Variants in REXO1 observed in about 807,000 individuals in gnomAD.
The protein encoded by REXO1 is REX1, RNA exonuclease 1 homolog.
A neutral mutation model predicts 102.6 loss-of-function variants in REXO1; 42 were observed. The ratio of observed to expected loss-of-function variants is 0.41; its 90% CI spans 0.32 to 0.53. The LOEUF (loss-of-function observed/expected upper bound fraction) is 0.53. REXO1 is among the 20% of genes least tolerant of loss of function. REXO1 has a pLI of 0.27. For missense variants in REXO1, 1,819 were observed against 1,732.5 expected, an observed-to-expected ratio of 1.05 and a Z score of -0.89; for synonymous variants, 908 against 779.1, an observed-to-expected ratio of 1.17 and a Z score of -2.76.
Position 1,818,704 on chromosome 19 carries a change from A to C in REXO1, c.2902+2T>G. 6.2e-7 allele frequency: 1 copy of C among 1,610,898 alleles called. No homozygotes were observed. Among genetic ancestry groups the C allele is most frequent in the East Asian group, 2.2e-5 (1 of 44,862 alleles). ...CTAGGCCGTCGCAGGCCAGCGACTCACAGTCCTTGGGCCTCTTCTCCTCAG... is the reference window on the plus strand; with the variant it reads ...CTAGGCCGTCGCAGGCCAGCGACTCCCAGTCCTTGGGCCTCTTCTCCTCAG... On this transcript the variant is annotated splice_donor_variant, in intron 9 of 15. Transcript: ENST00000170168. LOFTEE classifies it high-confidence loss of function.
chr19:1,817,171 A>G, intron 12 of REXO1, 48 bp downstream of exon 12: 1 of 1,460,454 alleles, frequency 6.8e-7, no homozygotes. Flanking sequence ...GCACCAGGCC[A>G]GGTCCTCCCC....
rs774204750 is a variant in REXO1 at position 1,816,818 on chromosome 19, G to A, written c.3202-5C>T. The A allele has an allele frequency of 1.9e-5, 30 of 1,605,546 alleles. No homozygotes were observed. In the Middle Eastern group the frequency reaches 5.0e-4, roughly 27 times the overall value. On this transcript the variant is annotated splice_polypyrimidine_tract_variant and splice_region_variant and intron_variant, in intron 12 of 15. Coordinates refer to ENST00000170168, the MANE Select transcript of REXO1 (RefSeq NM_020695.4). ...CAGGCCATATGTGGTGTAGGACTGC[G>A]GGCAAGGGATGCACCTCAGATGTGT...
chr19:1,848,018 G>A (rs1045100432), intron 1 of REXO1, among the ~76,000 whole-genome samples, 184 bp downstream of exon 1: 5 of 152,250 alleles, frequency 3.3e-5, no homozygotes, highest in East Asian at 1.9e-4. Flanking sequence ...GAAGGCTTAG[G>A]GACATCTAGT....
chr19:1,823,666 G>C lies in REXO1; in HGVS notation c.2136C>G (p.Pro712=). 1 of 1,295,144 alleles carries C rather than the reference G, an allele frequency of 7.7e-7. No individual in the cohort carries two copies. Among genetic ancestry groups the C allele is most frequent in the Non-Finnish European group, 9.9e-7 (1 of 1,013,600 alleles). The allele number at this position is 1,295,144 out of a possible 1,614,324, so 80.2% of individuals were successfully genotyped here. Residue 712 remains proline (P), a synonymous_variant, in exon 4 of 16, where the codon CCC becomes CCG. Transcript: ENST00000170168. ...QRASASLLQA[P]ARLAEKSPSV... The stretch of plus-strand genomic sequence containing the variant: ...AGGGCGACTTCTCTGCCAGCCTGGC[G>C]GGGGCCTGCAGCAAGCTCGCCGATG...
At chr19:1,835,001 T>C (rs2070000975) in intron 1 of REXO1, 1 of 423,584 alleles carries the variant, frequency 2.4e-6, no homozygotes, top group South Asian at 1.6e-5. Flanking sequence ...CAGCCAGGTC[T>C]GGAAGTTTCA....
chr19:1,825,851 C>A lies in REXO1; in HGVS notation c.2004G>T (p.Lys668Asn), dbSNP rs1381687832. Residue 668 changes from lysine to asparagine, a missense_variant, in exon 3 of 16, where the codon AAG becomes AAT. Transcript: ENST00000170168. ...GQKRRISHLS[K>N]QGQEVEPPRR... ...CTGCGGACCTTACCTCCTGGCCTTG[C>A]TTGGAAAGGTGGGAGATCCTCCTCT... The A allele has an allele frequency of 4.4e-6, 7 of 1,608,716 alleles. No homozygotes were observed. The highest frequency in any genetic ancestry group is 6.0e-6 in the Non-Finnish European group (7 of 1,176,000).
At chr19:1,823,822 CGGG>C in intron 3 of REXO1, 37 bp from the exon 4 acceptor site, 1 of 1,055,314 alleles carries the variant, frequency 9.5e-7, no homozygotes, top group East Asian at 3.2e-5. Context: ...GGCAGCACAG[CGGG>C]GGCACCTGGA....
At chr19:1,817,125 G>C (rs1402251871) in intron 12 of REXO1, 94 bp downstream of exon 12, 4 of 926,050 alleles carry the variant, frequency 4.3e-6, no homozygotes, top group Non-Finnish European at 6.1e-6. Context: ...GCGCTGGCCG[G>C]TGAGCCAGGC....
At chr19:1,820,114 A>G in intron 6 of REXO1, 57 bp from the exon 7 acceptor site, 1 of 1,576,188 alleles carries the variant, frequency 6.3e-7, no homozygotes, top group Middle Eastern at 1.7e-4. Flanking sequence ...GGGGAGCCCC[A>G]GCGGTGGGGT....
intron 1 of REXO1, among the ~76,000 whole-genome samples, chr19:1,839,349 C>A (rs1040667071): frequency 6.6e-6 from 1 of 152,154 alleles, no homozygotes; most frequent in Non-Finnish European, 1.5e-5. Flanking sequence ...GTTTCTGGGA[C>A]TCCTGTGCTC....
rs1568675772 is a variant in REXO1, at chr19:1,815,882, T to A, written c.*184A>T. On this transcript the variant is annotated 3_prime_UTR_variant, in exon 16 of 16. Transcript: ENST00000170168. The surrounding 1 kb of genome is among the most constrained non-coding windows in gnomAD (Gnocchi z 4.0). ...CAGAGGGTGGGGACCGGCGGAGGGG[T>A]GCGGCAGGACGTGAGCGGGGGTGGG... The A allele has an allele frequency of 4.5e-6, 6 of 1,342,402 alleles. No homozygotes were observed. The highest frequency in any genetic ancestry group is 5.9e-6 in the Non-Finnish European group (6 of 1,017,566). 83.2% of individuals were successfully genotyped at this position (1,342,402 alleles called of 1,614,324 possible). A position where few individuals can be genotyped will look rare whatever the true frequency, so the allele number is the denominator to read the frequency against.
Position 1,828,410 on chromosome 19 carries a change from G to C in REXO1, c.379C>G (p.Leu127Val). 13 of 1,607,848 alleles carry C rather than the reference G, an allele frequency of 8.1e-6. No individual in the cohort carries two copies. The highest frequency in any genetic ancestry group is 1.1e-5 in the Non-Finnish European group (13 of 1,177,448). The change falls in exon 2 of 16, where the codon CTG becomes GTG. Residue 127 changes from leucine to valine, a missense_variant. Leu to Val is a conservative substitution (Grantham distance 32). Coordinates refer to ENST00000170168, the MANE Select transcript of REXO1 (RefSeq NM_020695.4). ...REHRSAEAPA[L>V]APRGPNASPT... ...CTGGCGTTGGGGCCGCGGGGCGCCA[G>C]GGCGGGGGCCTCGGCGGAGCGGTGC... is the stretch of plus-strand genomic sequence containing the variant.
chr19:1,821,324 G>C (rs1382289044), intron 5 of REXO1, among the ~76,000 whole-genome samples, 195 bp downstream of exon 5: 1 of 148,778 alleles, frequency 6.7e-6, no homozygotes, highest in African/African-American at 2.5e-5. Context: ...CAGCCTGGGC[G>C]ACAGAGCGAG....
rs200647580 is a variant in REXO1 at position 1,821,585 on chromosome 19, C to G, written c.2328G>C (p.Ser776=). 6.8e-6 allele frequency: 11 copies of G among 1,613,852 alleles called. 1 individual carries two copies. In the South Asian group the frequency reaches 8.8e-5, roughly 13 times the overall value. The change falls in exon 5 of 16, where the codon TCG becomes TCC. Residue 776 remains serine, a synonymous_variant. Transcript: ENST00000170168. ...GGQQLKTRTL[S]GMASKTTTTI... is the part of the protein sequence containing the mutation. Reference sequence around the variant, plus strand: ...TGGTGGTAGTCTTGGACGCCATCCCCGACAATGTGCGTGTTTTCAGCTGCT... The same window carrying G: ...TGGTGGTAGTCTTGGACGCCATCCCGGACAATGTGCGTGTTTTCAGCTGCT...
chr19:1,829,535 G>A (rs780377038), intron 1 of REXO1, among the ~76,000 whole-genome samples: 42 of 152,328 alleles, frequency 2.8e-4, no homozygotes, highest in Non-Finnish European at 2.4e-4. Context: ...GTAGCTGGGC[G>A]CGGTGGCGCA....
Position 1,828,386 on chromosome 19 carries a change from T to TGGCGTTGGGGCC in REXO1, c.391_402dup (p.Gly131_Ala134dup). ...TCCTCGTCCGGGCCCACAGTGGGGC[T>TGGCGTTGGGGCC]GGCGTTGGGGCCGCGGGGCGCCAGG... On this transcript the variant is annotated inframe_insertion, in exon 2 of 16. Transcript: ENST00000170168. The TGGCGTTGGGGCC allele has an allele frequency of 4.4e-6, 7 of 1,608,256 alleles. No homozygotes were observed. Among genetic ancestry groups the TGGCGTTGGGGCC allele is most frequent in the Non-Finnish European group, 5.9e-6 (7 of 1,177,564 alleles).
At position 1,828,594 on chromosome 19, in the gene REXO1, C is replaced by T. The variant is rs1229921800; in HGVS notation, c.195G>A (p.Lys65=). 2 of 1,602,884 alleles carry T rather than the reference C, an allele frequency of 1.2e-6. No homozygotes were observed. Among genetic ancestry groups the T allele is most frequent in the African/African-American group, 1.3e-5 (1 of 75,036 alleles). ...TGCCATTCTCCCTCTGCGCGGGGGG[C>T]TTGGGCAGCTCAGGGTTGTAGGGGT... ...GYDPYNPELP[K]PPAQRENGTL... The change falls in exon 2 of 16, where the codon AAG becomes AAA. Residue 65 remains lysine, a synonymous_variant. Transcript: ENST00000170168.
intron 10 of REXO1, 131 bp from the exon 11 acceptor site, chr19:1,817,911 G>T (rs2069419217): frequency 8.5e-6 from 6 of 704,084 alleles, no homozygotes; most frequent in East Asian, 2.8e-5. Flanking sequence ...CAGCCTCTTG[G>T]TGGAGCTGGA....
In REXO1 at chr19:1,826,548, T is replaced by A. The variant is rs2069729249; in HGVS notation, c.1911+330A>T. Among the ~76,000 whole-genome samples, 2 of 138,856 alleles carry A rather than the reference T, an allele frequency of 1.4e-5. No individual in the cohort carries two copies. Among genetic ancestry groups the A allele is most frequent in the Non-Finnish European group, 3.1e-5 (2 of 64,496 alleles). The allele number at this position is 138,856 out of a possible 152,430, so 91.1% of individuals were successfully genotyped here. A position where few individuals can be genotyped will look rare whatever the true frequency, so the allele number is the denominator to read the frequency against. On this transcript the variant is annotated intron_variant, in intron 2 of 15. Coordinates refer to ENST00000170168, the MANE Select transcript of REXO1 (RefSeq NM_020695.4). The surrounding 1 kb of genome is among the most constrained non-coding windows in gnomAD (Gnocchi z 4.3). ...GGCGAGGGGAGAGGGGCTAGAAGGG[T>A]GTGCCGGAGGTGGATTCCCCTGAGG...
Sources: allele counts gnomAD v4.1 joint callset (sites outside exome capture counted in the v4.1 genomes callset), GRCh38; gene constraint gnomAD v4.1.1; non-coding constraint Gnocchi (gnomAD v3.1); transcripts MANE v1.5; gene names NCBI Gene and HGNC (gene_info 2026-07-23, HGNC 2026-07-21).